NEBL: variants seen among roughly 807,000 people sequenced by gnomAD.
NEBL encodes nebulette.
In NEBL, 122 loss-of-function variants were observed where a neutral mutation model predicts 140.2. That is an observed-to-expected ratio of 0.87 (90% CI 0.75 to 1.01). The LOEUF (loss-of-function observed/expected upper bound fraction) is 1.01. Ranked by LOEUF, NEBL falls within the 50% of genes least tolerant of loss-of-function variation. The pLI, the probability that NEBL is intolerant of heterozygous loss-of-function variation, is 0.00. For synonymous variants in NEBL, 436 were observed against 398.9 expected, an observed-to-expected ratio of 1.09 and a Z score of -1.11; for missense variants, 1,365 against 1,231.3, an observed-to-expected ratio of 1.11 and a Z score of -1.62.
intron 4 of NEBL, among the ~76,000 whole-genome samples, chr10:20,938,334 G>A (rs1834629451): frequency 6.6e-6 from 1 of 152,232 alleles, no homozygotes. Context: ...AACACGGTCT[G>A]GAGTGGACCT....
chr10:20,934,293 C>T (rs746451174), intron 4 of NEBL, among the ~76,000 whole-genome samples: 5 of 152,172 alleles, frequency 3.3e-5, no homozygotes, highest in Non-Finnish European at 7.3e-5. Context: ...ACAAGCATCT[C>T]AGGAGCTGAA....
intron 2 of NEBL, among the ~76,000 whole-genome samples, chr10:21,107,741 T>A (rs1191876478): frequency 1.3e-5 from 2 of 152,188 alleles, no homozygotes; most frequent in Admixed American, 1.3e-4. Flanking sequence ...TTGGAAGGAA[T>A]GGTACCAGCT....
chr10:20,887,407 CA>C (rs1846623884), intron 4 of NEBL, among the ~76,000 whole-genome samples: 1 of 136,778 alleles, frequency 7.3e-6, no homozygotes, highest in Non-Finnish European at 1.5e-5. Context: ...ATCCTGAATT[CA>C]ACCTTTTTTT....
At chr10:20,914,759 A>G (rs1197394038) in intron 4 of NEBL, among the ~76,000 whole-genome samples, 3 of 152,218 alleles carry the variant, frequency 2.0e-5, no homozygotes, top group Admixed American at 1.3e-4. Context: ...AAACAATAGA[A>G]ATGGAAATTT....
chr10:20,844,043 C>T (rs1338568833), intron 12 of NEBL, among the ~76,000 whole-genome samples: 1 of 152,052 alleles, frequency 6.6e-6, no homozygotes, highest in East Asian at 1.9e-4. Flanking sequence ...CCTTCAACTT[C>T]AAAAATTTTT....
chr10:21,072,759 G>T (rs1835878211), intron 2 of NEBL, among the ~76,000 whole-genome samples: 1 of 152,218 alleles, frequency 6.6e-6, no homozygotes, highest in South Asian at 2.1e-4. Flanking sequence ...GGGAGGCTGA[G>T]GCCGGTGGAT....
intron 3 of NEBL, chr10:20,961,844 G>C: frequency 8.5e-7 from 1 of 1,183,096 alleles, no homozygotes; most frequent in South Asian, 1.2e-5. Flanking sequence ...GATAGGCTGG[G>C]CCAACGAAGC....
chr10:20,853,788 G>C (rs188696153), intron 9 of NEBL, among the ~76,000 whole-genome samples: 7 of 152,072 alleles, frequency 4.6e-5, no homozygotes, highest in African/African-American at 1.7e-4. Context: ...CAAAAATACC[G>C]TTAGAGAGAA....
At chr10:21,115,054 A>T (rs1589249293) in intron 2 of NEBL, among the ~76,000 whole-genome samples, 1 of 151,664 alleles carries the variant, frequency 6.6e-6, no homozygotes, top group South Asian at 2.1e-4. Context: ...CTTATTAGCT[A>T]TATCTCTTTA....
At chr10:20,889,817 G>C (rs528848409) in intron 3 of NEBL, 28 bp downstream of exon 3, 1 of 1,340,830 alleles carries the variant, frequency 7.5e-7, no homozygotes, top group African/African-American at 1.4e-5. Context: ...ATAAATGCAA[G>C]CCAGTTTGCA....
intron 26 of NEBL, among the ~76,000 whole-genome samples, chr10:20,794,126 A>C (rs1286050658): frequency 2.0e-5 from 3 of 152,220 alleles, no homozygotes; most frequent in African/African-American, 7.2e-5. Flanking sequence ...GTTAGCGTGC[A>C]ACATTCCTGG....
At chr10:21,230,663 G>T (rs995841559) in intron 3 of NEBL, among the ~76,000 whole-genome samples, 1 of 150,180 alleles carries the variant, frequency 6.7e-6, no homozygotes, top group Non-Finnish European at 1.5e-5. Flanking sequence ...GGAGTGCAGC[G>T]GCGTGATCTT....
chr10:20,986,606 A>G (rs1175676513), intron 3 of NEBL, among the ~76,000 whole-genome samples: 1 of 152,218 alleles, frequency 6.6e-6, no homozygotes, highest in East Asian at 1.9e-4. Flanking sequence ...TTTCCCTAGT[A>G]TCTTAATATA....
intron 4 of NEBL, among the ~76,000 whole-genome samples, chr10:20,943,690 C>A (rs762382406): frequency 6.6e-6 from 1 of 152,220 alleles, no homozygotes; most frequent in Non-Finnish European, 1.5e-5. Context: ...TGCTACAATG[C>A]AAAGCCAACT....
rs1213290703 is a variant in NEBL at position 20,820,015 on chromosome 10, C to A, written c.1963-499G>T. Among the ~76,000 whole-genome samples, 3 of 152,106 alleles carry A rather than the reference C, an allele frequency of 2.0e-5. No individual in the cohort carries two copies. The East Asian group carries it at 5.8e-4, about 29-fold the overall frequency. On this transcript the variant is annotated intron_variant, in intron 19 of 27. Coordinates refer to ENST00000377122, the MANE Select transcript of NEBL (RefSeq NM_006393.3). ...ATCCCCTCATCAGTAAGAATGAATT[C>A]TATGAATTCATTTCTTCATAGCACT...
At chr10:21,260,026 T>A (rs551002844) in intron 1 of NEBL, among the ~76,000 whole-genome samples, 1 of 152,328 alleles carries the variant, frequency 6.6e-6, no homozygotes, top group South Asian at 2.1e-4. Context: ...CTTGGCAATA[T>A]TATTGAACCA....
chr10:20,899,823 T>C (rs1419867741), upstream of NEBL: 1 of 163,532 alleles, frequency 6.1e-6, no homozygotes, highest in Non-Finnish European at 1.3e-5. Flanking sequence ...AAAATACTCA[T>C]CACTCAACAC....
At chr10:20,899,325 G>A, upstream of NEBL, 1 of 1,108,448 alleles carries the variant, frequency 9.0e-7, no homozygotes, top group African/African-American at 1.6e-5. Flanking sequence ...TCATATTTGA[G>A]GAGACAGTAC....
chr10:20,971,506 T>C (rs1836568293), intron 3 of NEBL, among the ~76,000 whole-genome samples: 1 of 151,696 alleles, frequency 6.6e-6, no homozygotes, highest in African/African-American at 2.4e-5. Flanking sequence ...GCAGGTTAGT[T>C]ACATATGTAT....
Sources: allele counts gnomAD v4.1 joint callset (sites outside exome capture counted in the v4.1 genomes callset), GRCh38; gene constraint gnomAD v4.1.1; transcripts MANE v1.5; gene names NCBI Gene and HGNC (gene_info 2026-07-23, HGNC 2026-07-21).